HMCN2: variants seen among roughly 807,000 people sequenced by gnomAD.
HMCN2 encodes the protein hemicentin-2.
HMCN2 carries 325 observed loss-of-function variants against 377.5 expected under a neutral mutation model. The ratio of observed to expected loss-of-function variants is 0.86; its 90% CI spans 0.79 to 0.94. The LOEUF is 0.94. HMCN2 is among the 40% of genes least tolerant of loss of function. HMCN2 has a pLI of 0.00. For synonymous variants in HMCN2, 2,007 were observed against 2,046.8 expected (o/e 0.98, Z 0.53); for missense variants, 4,543 against 4,725.3 (o/e 0.96, Z 1.13).
chr9:130,297,660 G>A (rs2131321522), intron 7 of HMCN2, among the ~76,000 whole-genome samples: 1 of 152,178 alleles, frequency 6.6e-6, no homozygotes, highest in East Asian at 1.9e-4. Context: ...GCTTTCTTTC[G>A]AGTCTGTCTG....
At chr9:130,407,404 C>T (rs960688286) in intron 82 of HMCN2, among the ~76,000 whole-genome samples, 167 bp from the exon 83 acceptor site, 1 of 152,224 alleles carries the variant, frequency 6.6e-6, no homozygotes, top group African/African-American at 2.4e-5. Context: ...TTAACCGCAG[C>T]CTCCAGTGTG....
intron 1 of HMCN2, among the ~76,000 whole-genome samples, chr9:130,272,428 A>T (rs1027094521): frequency 7.8e-6 from 1 of 127,744 alleles, no homozygotes; most frequent in Admixed American, 7.6e-5. Flanking sequence ...TTTAGTAGAG[A>T]TGGGGTTTCA....
chr9:130,328,055 G>C (rs965465698), intron 22 of HMCN2, among the ~76,000 whole-genome samples: 2 of 152,208 alleles, frequency 1.3e-5, no homozygotes, highest in African/African-American at 4.8e-5. Flanking sequence ...GGGTTCTGTG[G>C]CTCAGTCTGG....
In HMCN2 at chr9:130,391,902, C is replaced by T. The variant is rs541325842; in HGVS notation, c.9953-33C>T. On this transcript the variant is annotated intron_variant, in intron 65 of 97. Transcript: ENST00000683500. ...GAGCCCACCTTCCTCCCAAGACCTC[C>T]GCACTACCCCTCTTTTTTCTACCCA... 81 of 981,432 alleles carry T rather than the reference C, an allele frequency of 8.3e-5. No individual in the cohort carries two copies. The East Asian group carries it at 2.9e-3, about 35-fold the overall frequency. 60.8% of individuals were successfully genotyped at this position (981,432 alleles called of 1,614,324 possible).
intron 8 of HMCN2, among the ~76,000 whole-genome samples, chr9:130,302,325 C>T (rs1026728680): frequency 9.2e-5 from 14 of 152,188 alleles, no homozygotes; most frequent in African/African-American, 3.1e-4. Context: ...GGATTACAGG[C>T]GTGAGCCATC....
intron 55 of HMCN2, 85 bp from the exon 56 acceptor site, chr9:130,382,594 C>T (rs1426007663): frequency 2.1e-5 from 9 of 426,116 alleles, no homozygotes; most frequent in Non-Finnish European, 3.1e-6. Context: ...CAGCACCTGA[C>T]ACCAAGTGCC....
Position 130,294,854 on chromosome 9 carries a change from G to C in HMCN2, c.613-1G>C, listed in dbSNP as rs1554931356. The C allele has an allele frequency of 2.3e-6, 1 of 441,482 alleles. No individual in the cohort carries two copies. Among genetic ancestry groups the C allele is most frequent in the African/African-American group, 2.0e-5 (1 of 48,984 alleles). The allele number at this position is 441,482 out of a possible 1,614,324, so 27.3% of individuals were successfully genotyped here. A position where few individuals can be genotyped will look rare whatever the true frequency, so the allele number is the denominator to read the frequency against. ...CATCAGCTCCTCATACTTGCCTCCA[G>C]GTGCTGAAGTGGGTGGAGTCAGCGA... On this transcript the variant is annotated splice_acceptor_variant, in intron 4 of 97. Transcript: ENST00000683500. LOFTEE classifies it high-confidence loss of function.
Position 130,393,493 on chromosome 9 carries a change from G to T in HMCN2, c.10234+184G>T, listed in dbSNP as rs1449269091. Among the ~76,000 whole-genome samples, 3 of 152,232 alleles carry T rather than the reference G, an allele frequency of 2.0e-5. No homozygotes were observed. The highest frequency in any genetic ancestry group is 4.4e-5 in the Non-Finnish European group (3 of 68,040). ...GTTTGTACCTCACAAGTGGCTGTGG[G>T]CACTCTGGTATGCCCAGGATAGGCG... On this transcript the variant is annotated intron_variant, in intron 67 of 97. Transcript: ENST00000683500. This position sits in a 1 kb window ranked among gnomAD's most constrained non-coding sequence, Gnocchi z 5.2.
At chr9:130,266,501 C>A (rs560174341) in intron 1 of HMCN2, among the ~76,000 whole-genome samples, 2 of 152,248 alleles carry the variant, frequency 1.3e-5, no homozygotes, top group Non-Finnish European at 2.9e-5. Context: ...GCATTCCTCT[C>A]GAGGACTTGG....
Position 130,399,553 on chromosome 9 carries a change from C to T in HMCN2, c.11526C>T (p.Pro3842=). 1 of 1,289,706 alleles carries T rather than the reference C, an allele frequency of 7.8e-7. No homozygotes were observed. The allele number at this position is 1,289,706 out of a possible 1,614,324, so 79.9% of individuals were successfully genotyped here. The change falls in exon 76 of 98, where the codon CCC becomes CCT. Residue 3842 remains proline, a synonymous_variant. Transcript: ENST00000683500. ...CCCTGCTCCTCACGGCCCCCGGCCC[C>T]CAGGACTCAGCCCAGTTTGAATGCG... ...SNALLLTAPG[P]QDSAQFECVV...
intron 25 of HMCN2, among the ~76,000 whole-genome samples, chr9:130,343,502 C>G (rs1839175511): frequency 6.6e-6 from 1 of 152,226 alleles, no homozygotes; most frequent in African/African-American, 2.4e-5. Context: ...TCCCCAGGTG[C>G]AGAGCTGCCG....
At chr9:130,404,305 G>A (rs1375858404) in intron 80 of HMCN2, among the ~76,000 whole-genome samples, 1 of 152,184 alleles carries the variant, frequency 6.6e-6, no homozygotes, top group Non-Finnish European at 1.5e-5. Context: ...GTATCTCAGT[G>A]GCCATCCCCG....
chr9:130,427,575 G>A lies in HMCN2; in HGVS notation c.14021G>A (p.Cys4674Tyr), dbSNP rs1390909742. The change falls in exon 92 of 98, where the codon TGC becomes TAC. Residue 4674 changes from cysteine to tyrosine, a missense_variant. Physicochemically the swap from Cys to Tyr is radical, Grantham distance 194. Coordinates refer to ENST00000683500, the MANE Select transcript of HMCN2 (RefSeq NM_001291815.2). ...GCACCCGGCCGCTTCTCCTGCACCT[G>A]CCCCACTGGCTTCGCCCTGGCCTGG... ...LNAPGRFSCT[C>Y]PTGFALAWDD... 2 of 1,550,380 alleles carry A rather than the reference G, an allele frequency of 1.3e-6. No individual in the cohort carries two copies. Among genetic ancestry groups the A allele is most frequent in the Non-Finnish European group, 1.7e-6 (2 of 1,146,986 alleles).
In HMCN2 at chr9:130,431,363, C is replaced by T. The variant is rs1247202817; in HGVS notation, c.14648-4C>T. 1 of 1,548,364 alleles carries T rather than the reference C, an allele frequency of 6.5e-7. No homozygotes were observed. Among genetic ancestry groups the T allele is most frequent in the African/African-American group, 1.4e-5 (1 of 73,020 alleles). On this transcript the variant is annotated splice_polypyrimidine_tract_variant and splice_region_variant and intron_variant, in intron 95 of 97. Coordinates refer to ENST00000683500, the MANE Select transcript of HMCN2 (RefSeq NM_001291815.2). ...CACCTGCCCCACCCCCATGCCCGGG[C>T]CAGACCTTGACGAGTGCCGCGTGAG...
In HMCN2 at chr9:130,423,679, C is replaced by T. The variant is rs983625986; in HGVS notation, c.13381+953C>T. 4.6e-5 allele frequency among the ~76,000 whole-genome samples: 7 copies of T among 152,318 alleles called. No individual in the cohort carries two copies. The highest frequency in any genetic ancestry group is 1.4e-4 in the African/African-American group (6 of 41,570). ...TCCCTGACTCAGAGCAAGTGGGGAG[C>T]GGGTGTGTTCCCCTTGCCCAGTCCA... On this transcript the variant is annotated intron_variant, in intron 87 of 97. Coordinates refer to ENST00000683500, the MANE Select transcript of HMCN2 (RefSeq NM_001291815.2). The surrounding 1 kb of genome is among the most constrained non-coding windows in gnomAD (Gnocchi z 5.5).
chr9:130,390,878 G>C, intron 62 of HMCN2, 99 bp from the exon 63 acceptor site: 1 of 785,268 alleles, frequency 1.3e-6, no homozygotes, highest in Non-Finnish European at 1.5e-6. Flanking sequence ...GCTGGGGAAG[G>C]TGGGGACATA....
At position 130,384,519 on chromosome 9, in the gene HMCN2, G is replaced by A; in HGVS notation, c.8977G>A (p.Val2993Ile). 7.7e-7 allele frequency: 1 copy of A among 1,304,268 alleles called. No individual in the cohort carries two copies. Among genetic ancestry groups the A allele is most frequent in the Non-Finnish European group, 1.0e-6 (1 of 988,948 alleles). The allele number at this position is 1,304,268 out of a possible 1,614,324, so 80.8% of individuals were successfully genotyped here. ...CCAGGCCCTCTCCCTGGGTGAAGAG[G>A]TCTTCCTCCTGCCTGGTGGGTAAAC... ...DSQALSLGEE[V>I]FLLPGTHTLQ... Residue 2993 changes from valine (V) to isoleucine (I), a missense_variant, in exon 58 of 98, where the codon GTC becomes ATC. Transcript: ENST00000683500.
chr9:130,268,653 G>C (rs1834249818), intron 1 of HMCN2, among the ~76,000 whole-genome samples: 1 of 149,360 alleles, frequency 6.7e-6, no homozygotes, highest in Non-Finnish European at 1.5e-5. Flanking sequence ...ACTGGGTTTT[G>C]GCCGTTTGCC....
chr9:130,294,041 C>G (rs1554931025), intron 4 of HMCN2, among the ~76,000 whole-genome samples: 1 of 152,046 alleles, frequency 6.6e-6, no homozygotes, highest in African/African-American at 2.4e-5. Flanking sequence ...GCACAGTGAC[C>G]TTGGGTTGGC....
Sources: allele counts gnomAD v4.1 joint callset (sites outside exome capture counted in the v4.1 genomes callset), GRCh38; gene constraint gnomAD v4.1.1; non-coding constraint Gnocchi (gnomAD v3.1); transcripts MANE v1.5; gene names NCBI Gene and HGNC (gene_info 2026-07-23, HGNC 2026-07-21).